SLC44A5: variants seen among roughly 807,000 people sequenced by gnomAD.
SLC44A5 encodes the protein solute carrier family 44 member 5, also known as choline transporter-like protein 5.
A neutral mutation model predicts 101.8 loss-of-function variants in SLC44A5; 57 were observed. The observed-to-expected ratio is 0.56, with a 90% confidence interval of 0.45 to 0.70. The LOEUF (loss-of-function observed/expected upper bound fraction) is 0.70. Among genes scored for constraint, SLC44A5 ranks in the 30% least tolerant of loss-of-function variants. The pLI is 0.00. For synonymous variants in SLC44A5, 281 were observed against 290.9 expected, an observed-to-expected ratio of 0.97 and a Z score of 0.35; for missense variants, 737 against 853.1, an observed-to-expected ratio of 0.86 and a Z score of 1.70.
chr1:75,671,919 C>T, the SLC44A5 span, among the ~76,000 whole-genome samples: 27 of 152,096 alleles, frequency 1.8e-4, no homozygotes, highest in African/African-American at 4.6e-4. Context: ...ACCTAATATG[C>T]GTTAATGGAA....
At chr1:75,491,448 G>A (rs1668419575) in intron 2 of SLC44A5, among the ~76,000 whole-genome samples, 1 of 152,062 alleles carries the variant, frequency 6.6e-6, no homozygotes, top group African/African-American at 2.4e-5. Context: ...AAGATTTCCT[G>A]TTACTTATAG....
the SLC44A5 span, among the ~76,000 whole-genome samples, chr1:75,619,179 TGGAA>T: frequency 1.3e-4 from 12 of 94,294 alleles, no homozygotes; most frequent in South Asian, 3.3e-4. Flanking sequence ...ACAGGGAGGA[TGGAA>T]GGAAGGAAGG....
intron 6 of SLC44A5, among the ~76,000 whole-genome samples, chr1:75,256,246 G>T (rs1047434901): frequency 1.1e-4 from 16 of 152,196 alleles, no homozygotes; most frequent in Admixed American, 9.8e-4. Context: ...AATTTACCAG[G>T]TCCTGAGTAA....
chr1:75,402,057 C>G (rs182099766), intron 2 of SLC44A5, among the ~76,000 whole-genome samples: 1 of 152,020 alleles, frequency 6.6e-6, no homozygotes, highest in African/African-American at 2.4e-5. Flanking sequence ...CCAAAGTCTA[C>G]AAAATCATAA....
chr1:75,458,379 G>T (rs1168385699), intron 2 of SLC44A5, among the ~76,000 whole-genome samples: 1 of 152,126 alleles, frequency 6.6e-6, no homozygotes, highest in African/African-American at 2.4e-5. Flanking sequence ...TAAGAATCTT[G>T]AGCTGTATCC....
At chr1:75,536,460 G>A (rs1409891948) in intron 2 of SLC44A5, among the ~76,000 whole-genome samples, 1 of 151,448 alleles carries the variant, frequency 6.6e-6, no homozygotes, top group Admixed American at 6.6e-5. Context: ...AATTGGCTGG[G>A]CATGGTGGCG....
intron 1 of SLC44A5, among the ~76,000 whole-genome samples, chr1:75,564,298 C>T (rs211707): frequency 0.96 from 146,151 of 152,284 alleles, 70,166 homozygotes; most frequent in East Asian, 0.98. Flanking sequence ...TAATTTATGT[C>T]GAAGTGATCC....
intron 1 of SLC44A5, among the ~76,000 whole-genome samples, chr1:75,596,340 A>C (rs1024156490): frequency 6.6e-6 from 1 of 152,154 alleles, no homozygotes; most frequent in Non-Finnish European, 1.5e-5. Context: ...GTTGCACCAG[A>C]CAGATTCACA....
At chr1:75,718,028 A>C in the SLC44A5 span, among the ~76,000 whole-genome samples, 2 of 152,220 alleles carry the variant, frequency 1.3e-5, no homozygotes, top group African/African-American at 4.8e-5. Context: ...GTGGAGAAGA[A>C]AAGTTTCTGG....
chr1:75,672,870 C>A, the SLC44A5 span, among the ~76,000 whole-genome samples: 5 of 152,076 alleles, frequency 3.3e-5, no homozygotes, highest in African/African-American at 9.7e-5. Context: ...AAACTCATTG[C>A]CTTGAAGGGA....
At chr1:75,586,413 T>C (rs1405834528) in intron 1 of SLC44A5, among the ~76,000 whole-genome samples, 1 of 151,536 alleles carries the variant, frequency 6.6e-6, no homozygotes, top group Non-Finnish European at 1.5e-5. Flanking sequence ...GTGTGTGTCC[T>C]ACTGATTCTG....
intron 13 of SLC44A5, among the ~76,000 whole-genome samples, chr1:75,223,653 T>A (rs1647135016): frequency 6.6e-6 from 1 of 152,200 alleles, no homozygotes; most frequent in South Asian, 2.1e-4. Flanking sequence ...TGAACAGTTC[T>A]GTTGATGGAG....
At chr1:75,329,363 C>A (rs1374612323) in intron 4 of SLC44A5, among the ~76,000 whole-genome samples, 1 of 152,158 alleles carries the variant, frequency 6.6e-6, no homozygotes. Context: ...GAATCCAATT[C>A]TCTTTTCCAT....
At chr1:75,464,885 ATAT>A (rs1300278836) in intron 2 of SLC44A5, among the ~76,000 whole-genome samples, 11 of 152,208 alleles carry the variant, frequency 7.2e-5, no homozygotes, top group Admixed American at 6.5e-4. Context: ...CATAAAGCAA[ATAT>A]TATTACAGCT....
At chr1:75,534,227 G>C (rs1670875904) in intron 2 of SLC44A5, among the ~76,000 whole-genome samples, 1 of 152,034 alleles carries the variant, frequency 6.6e-6, no homozygotes, top group African/African-American at 2.4e-5. Flanking sequence ...TTTACCTTTT[G>C]CAAATCACCT....
chr1:75,664,288 CAT>C, the SLC44A5 span, among the ~76,000 whole-genome samples: 1 of 152,088 alleles, frequency 6.6e-6, no homozygotes, highest in Non-Finnish European at 1.5e-5. Flanking sequence ...ACCTATTCAA[CAT>C]AGTACTGGAA....
At chr1:75,316,185 C>T (rs998756716) in intron 4 of SLC44A5, among the ~76,000 whole-genome samples, 4 of 152,154 alleles carry the variant, frequency 2.6e-5, no homozygotes, top group Non-Finnish European at 4.4e-5. Flanking sequence ...TTTTATCTTC[C>T]GTCCACTCTC....
intron 3 of SLC44A5, among the ~76,000 whole-genome samples, chr1:75,368,913 G>C (rs1008011382): frequency 6.6e-6 from 1 of 152,020 alleles, no homozygotes; most frequent in Non-Finnish European, 1.5e-5. Flanking sequence ...CATCATTAAA[G>C]TCCAACAAAA....
At chr1:75,259,933 C>T (rs998833872) in intron 6 of SLC44A5, among the ~76,000 whole-genome samples, 1 of 152,098 alleles carries the variant, frequency 6.6e-6, no homozygotes, top group Non-Finnish European at 1.5e-5. Context: ...CCAAACTAAG[C>T]TTCATAAGTG....
Sources: allele counts gnomAD v4.1 joint callset (sites outside exome capture counted in the v4.1 genomes callset), GRCh38; gene constraint gnomAD v4.1.1; transcripts MANE v1.5; gene names NCBI Gene and HGNC (gene_info 2026-07-23, HGNC 2026-07-21).